Variants in RNF175 observed in about 807,000 individuals in gnomAD.
The protein encoded by RNF175 is ring finger protein 175.
RNF175 carries 38 observed loss-of-function variants against 50.0 expected under a neutral mutation model. The ratio of observed to expected loss-of-function variants is 0.76; its 90% CI spans 0.59 to 1.00. The LOEUF is 1.00. Among genes scored for constraint, RNF175 ranks in the 50% least tolerant of loss-of-function variants. The pLI is 0.00. For missense variants in RNF175, 388 were observed against 409.6 expected, an observed-to-expected ratio of 0.95 and a Z score of 0.46; for synonymous variants, 155 against 146.1, an observed-to-expected ratio of 1.06 and a Z score of -0.44.
intron 3 of RNF175, among the ~76,000 whole-genome samples, chr4:153,745,379 C>T (rs941503157): frequency 1.3e-5 from 2 of 152,204 alleles, no homozygotes; most frequent in Non-Finnish European, 2.9e-5. Context: ...CTACTCTAAA[C>T]ATTGTGATGG....
At chr4:153,748,827 C>A (rs778015890) in intron 2 of RNF175, 41 bp from the exon 3 acceptor site, 2 of 1,541,052 alleles carry the variant, frequency 1.3e-6, no homozygotes, top group East Asian at 2.3e-5. Flanking sequence ...AAGCCCTCAA[C>A]CTTGCGCATT....
chr4:153,728,888 G>A (rs1246882484), intron 3 of RNF175, among the ~76,000 whole-genome samples: 3 of 152,210 alleles, frequency 2.0e-5, no homozygotes, highest in Non-Finnish European at 4.4e-5. Context: ...AAGCCCCTGG[G>A]ATGTCTTCTG....
rs1332471536 is a variant in RNF175 at position 153,720,294 on chromosome 4, T to C, written c.520A>G (p.Arg174Gly). The C allele has an allele frequency of 6.2e-7, 1 of 1,611,264 alleles. No individual in the cohort carries two copies. Among genetic ancestry groups the C allele is most frequent in the South Asian group, 1.1e-5 (1 of 91,038 alleles). The change falls in exon 6 of 9, where the codon AGA (arginine) becomes GGA (glycine). Residue 174 changes from arginine (R) to glycine (G), a missense_variant. Coordinates refer to ENST00000347063, the MANE Select transcript of RNF175 (RefSeq NM_173662.4). ...ACAATGCCAAAATCCATGGAATCTCTAGCTTTGATTCTATTGAAAACAACA... is the reference window on the plus strand; with the variant it reads ...ACAATGCCAAAATCCATGGAATCTCCAGCTTTGATTCTATTGAAAACAACA... ...GFNLFFKIKA[R>G]DSMDFGIVSL...
intron 3 of RNF175, among the ~76,000 whole-genome samples, chr4:153,742,044 G>A (rs937983084): frequency 2.0e-5 from 3 of 152,120 alleles, no homozygotes; most frequent in Non-Finnish European, 4.4e-5. Context: ...GCCAGCCGAG[G>A]CAGGCGGATC....
rs564446486 is a variant in RNF175, at chr4:153,733,494, T to C, written c.247-5133A>G. 2.4e-4 allele frequency among the ~76,000 whole-genome samples: 36 copies of C among 152,330 alleles called. No individual in the cohort carries two copies. The East Asian group carries it at 4.4e-3, about 19-fold the overall frequency. ...TGTACATACACAGCAGTATGATAAT[T>C]GTTAATTTGTATCCCCACGGGGAAC... On this transcript the variant is annotated intron_variant, in intron 3 of 8. Coordinates refer to ENST00000347063, the MANE Select transcript of RNF175 (RefSeq NM_173662.4).
chr4:153,711,466 T>C (rs142028534), intron 8 of RNF175, among the ~76,000 whole-genome samples: 434 of 152,296 alleles, frequency 2.8e-3, no homozygotes, highest in African/African-American at 9.8e-3. Context: ...CCCTCCCTGA[T>C]CTGCAGTGCC....
At chr4:153,719,042 G>A (rs781047267) in intron 6 of RNF175, among the ~76,000 whole-genome samples, 2 of 152,090 alleles carry the variant, frequency 1.3e-5, no homozygotes, top group Non-Finnish European at 2.9e-5. Flanking sequence ...GTGGTTTGCT[G>A]CACCTGTCAA....
At chr4:153,746,902 T>C (rs1333573321) in intron 3 of RNF175, among the ~76,000 whole-genome samples, 4 of 152,176 alleles carry the variant, frequency 2.6e-5, no homozygotes, top group African/African-American at 9.7e-5. Flanking sequence ...ACCACCAACG[T>C]TTATAGCTTG....
chr4:153,721,157 GTT>G (rs11327953), intron 5 of RNF175, among the ~76,000 whole-genome samples: 11 of 148,870 alleles, frequency 7.4e-5, no homozygotes, highest in Admixed American at 2.0e-4. Flanking sequence ...CCCCCAGCCA[GTT>G]TTTTTTTTTC....
At chr4:153,749,911 T>A (rs1482430342) in intron 2 of RNF175, among the ~76,000 whole-genome samples, 2 of 152,238 alleles carry the variant, frequency 1.3e-5, no homozygotes, top group Non-Finnish European at 2.9e-5. Context: ...AATAAATTTC[T>A]GATTTTTAAG....
intron 1 of RNF175, among the ~76,000 whole-genome samples, chr4:153,752,798 G>C (rs1001820117): frequency 3.3e-5 from 5 of 152,042 alleles, no homozygotes; most frequent in Admixed American, 3.3e-4. Context: ...TATGTAAAAA[G>C]GGTTTTTATA....
chr4:153,717,532 CAA>C (rs1491549716), intron 6 of RNF175, among the ~76,000 whole-genome samples: 2 of 47,332 alleles, frequency 4.2e-5, no homozygotes, highest in South Asian at 9.6e-4. Flanking sequence ...GATACACACA[CAA>C]ACACACACAC....
rs542452905 is a variant in RNF175 at position 153,713,951 on chromosome 4, A to T, written c.765-1375T>A. On this transcript the variant is annotated intron_variant, in intron 7 of 8. Coordinates refer to ENST00000347063, the MANE Select transcript of RNF175 (RefSeq NM_173662.4). ...AATCTCAATGCTGAAAAACTTGCAC[A>T]CTGGCAGAACTTCTGCAGAGCAAGA... is the stretch of plus-strand genomic sequence containing the variant. 2.0e-5 allele frequency: 3 copies of T among 152,312 alleles called. No homozygotes were observed. In the South Asian group the frequency reaches 6.2e-4, roughly 32 times the overall value. 9.4% of individuals were successfully genotyped at this position (152,312 alleles called of 1,614,324 possible). A position where few individuals can be genotyped will look rare whatever the true frequency, so the allele number is the denominator to read the frequency against.
At chr4:153,734,782 T>TCTCCTG (rs1739261817) in intron 3 of RNF175, among the ~76,000 whole-genome samples, 1 of 149,340 alleles carries the variant, frequency 6.7e-6, no homozygotes, top group Non-Finnish European at 1.5e-5. Context: ...TTCACGCCAT[T>TCTCCTG]CTCCTGCCTC....
At chr4:153,749,896 G>C (rs1177937706) in intron 2 of RNF175, among the ~76,000 whole-genome samples, 2 of 152,156 alleles carry the variant, frequency 1.3e-5, no homozygotes, top group African/African-American at 4.8e-5. Flanking sequence ...CCAGAACTGT[G>C]AGAAAATAAA....
Position 153,729,758 on chromosome 4 carries a change from G to T in RNF175, c.247-1397C>A, listed in dbSNP as rs957899165. On this transcript the variant is annotated intron_variant, in intron 3 of 8. Transcript: ENST00000347063. ...GAATCTTCTTTCAGAGAACCCTAGAGTTGTTATCATAGATATGCACTTAAA... is the reference window on the plus strand; with the variant it reads ...GAATCTTCTTTCAGAGAACCCTAGATTTGTTATCATAGATATGCACTTAAA... 3.0e-6 allele frequency: 3 copies of T among 984,708 alleles called. No homozygotes were observed. In the East Asian group the frequency reaches 3.4e-4, roughly 112 times the overall value. 61.0% of individuals were successfully genotyped at this position (984,708 alleles called of 1,614,324 possible).
chr4:153,730,193 C>T (rs1005009721), intron 3 of RNF175, among the ~76,000 whole-genome samples: 2 of 152,236 alleles, frequency 1.3e-5, no homozygotes, highest in African/African-American at 4.8e-5. Context: ...GCCTGTAATC[C>T]CAGCAGTTTG....
rs750871407 is a variant in RNF175 at position 153,715,662 on chromosome 4, A to T, written c.631T>A (p.Phe211Ile). The T allele has an allele frequency of 6.2e-7, 1 of 1,613,550 alleles. No homozygotes were observed. Among genetic ancestry groups the T allele is most frequent in the Non-Finnish European group, 8.5e-7 (1 of 1,179,646 alleles). Residue 211 changes from phenylalanine (F) to isoleucine (I), a missense_variant and splice_region_variant, in exon 7 of 9, where the codon TTC becomes ATC. Physicochemically the swap from Phe to Ile is conservative, Grantham distance 21. Coordinates refer to ENST00000347063, the MANE Select transcript of RNF175 (RefSeq NM_173662.4). ...GTAGGCAACCGGCTGACACTGTAGA[A>T]CTATCAGAGGAAATGGACAGAGCAC... Reference protein sequence around the residue: ...CSDYMASTIGFYSVSRLPTRS... With the variant: ...CSDYMASTIGIYSVSRLPTRS...
At chr4:153,750,353 T>C (rs774997108) in intron 2 of RNF175, among the ~76,000 whole-genome samples, 50 of 152,130 alleles carry the variant, frequency 3.3e-4, no homozygotes, top group Non-Finnish European at 5.7e-4. Flanking sequence ...CTACAGCTAC[T>C]CCAAAGAGCA....
Sources: allele counts gnomAD v4.1 joint callset (sites outside exome capture counted in the v4.1 genomes callset), GRCh38; gene constraint gnomAD v4.1.1; transcripts MANE v1.5; gene names NCBI Gene and HGNC (gene_info 2026-07-23, HGNC 2026-07-21).